CHL1: variants seen among roughly 807,000 people sequenced by gnomAD.
CHL1 encodes neural cell adhesion molecule L1-like protein.
Under a neutral mutation model 141.9 loss-of-function variants are expected in CHL1, and 96 were observed. The observed-to-expected ratio is 0.68, with a 90% CI of 0.57 to 0.80. The LOEUF is 0.80. Among genes scored for constraint, CHL1 ranks in the 30% least tolerant of loss-of-function variants. CHL1 has a pLI of 0.00. For synonymous variants in CHL1, 613 were observed against 502.2 expected, an observed-to-expected ratio of 1.22 and a Z score of -2.95; for missense variants, 1,820 against 1,457.2, an observed-to-expected ratio of 1.25 and a Z score of -4.05.
chr3:281,138 C>G (rs1300191535), intron 2 of CHL1, among the ~76,000 whole-genome samples: 1 of 152,154 alleles, frequency 6.6e-6, no homozygotes, highest in Non-Finnish European at 1.5e-5. Flanking sequence ...CAACACCCAG[C>G]ATATCTCCTC....
At chr3:221,075 A>G (rs35942155) in intron 1 of CHL1, among the ~76,000 whole-genome samples, 12,095 of 152,218 alleles carry the variant, frequency 0.079, 607 homozygotes, top group African/African-American at 0.14. Context: ...GAATCCACCT[A>G]TGACCTGAAA....
At chr3:273,930 G>A (rs533607343) in intron 2 of CHL1, among the ~76,000 whole-genome samples, 2 of 152,138 alleles carry the variant, frequency 1.3e-5, no homozygotes, top group African/African-American at 2.4e-5. Context: ...TGCCTAAAAT[G>A]TGTTGATGAT....
intron 2 of CHL1, among the ~76,000 whole-genome samples, chr3:288,544 C>G (rs374132323): frequency 6.1e-4 from 93 of 152,206 alleles, no homozygotes; most frequent in African/African-American, 2.1e-3. Context: ...GTTGCATTGC[C>G]ACAGATCCTA....
At chr3:278,663 A>G (rs1696368914) in intron 2 of CHL1, among the ~76,000 whole-genome samples, 1 of 152,162 alleles carries the variant, frequency 6.6e-6, no homozygotes, top group African/African-American at 2.4e-5. Flanking sequence ...TGTATTTGGA[A>G]ACAATTTACT....
intron 5 of CHL1, 105 bp downstream of exon 5, chr3:328,459 C>T (rs1375285883): frequency 5.6e-6 from 5 of 899,180 alleles, no homozygotes; most frequent in Middle Eastern, 2.6e-4. Context: ...ACTAAATCAA[C>T]TTATATGTGT....
At chr3:335,889 G>A (rs1259855506) in intron 5 of CHL1, among the ~76,000 whole-genome samples, 3 of 152,146 alleles carry the variant, frequency 2.0e-5, no homozygotes, top group Admixed American at 6.5e-5. Flanking sequence ...GTCTCTGTGC[G>A]TTTGGCTGTA....
chr3:267,499 T>G (rs1695258040), intron 2 of CHL1, among the ~76,000 whole-genome samples: 1 of 151,990 alleles, frequency 6.6e-6, no homozygotes, highest in Admixed American at 6.5e-5. Context: ...TTCTAGTAGC[T>G]GTTCTCTTAA....
chr3:364,992 A>G (rs1704689617), intron 14 of CHL1, among the ~76,000 whole-genome samples: 1 of 152,246 alleles, frequency 6.6e-6, no homozygotes, highest in South Asian at 2.1e-4. Context: ...GATGTCAAAT[A>G]ATTCACTTAA....
rs115668491 is a variant in CHL1 at position 284,455 on chromosome 3, C to T, written c.-94-35228C>T. Among the ~76,000 whole-genome samples, 1,393 of 152,286 alleles carry T rather than the reference C, an allele frequency of 9.1e-3. 27 individuals carry two copies. Among genetic ancestry groups the T allele is most frequent in the African/African-American group, 0.032 (1,326 of 41,568 alleles). Reference sequence around the variant, plus strand: ...CACCAGATTGTTTGTGTGGAAGCCACTGGGAACTGTTCCAAACCGTGTGAG... The same window carrying T: ...CACCAGATTGTTTGTGTGGAAGCCATTGGGAACTGTTCCAAACCGTGTGAG... On this transcript the variant is annotated intron_variant, in intron 2 of 27. Transcript: ENST00000256509.
At chr3:337,357 A>AT (rs35877726) in intron 5 of CHL1, among the ~76,000 whole-genome samples, 1 of 41,606 alleles carries the variant, frequency 2.4e-5, no homozygotes, top group Non-Finnish European at 4.9e-5. Flanking sequence ...CGCCCGGCTA[A>AT]TTTTTTTATA....
intron 1 of CHL1, among the ~76,000 whole-genome samples, chr3:228,502 C>G (rs533880867): frequency 2.0e-5 from 3 of 147,678 alleles, no homozygotes; most frequent in South Asian, 2.1e-4. Context: ...CACACACACA[C>G]AGCAGGGGAA....
intron 1 of CHL1, among the ~76,000 whole-genome samples, chr3:230,966 A>G (rs1310675499): frequency 2.0e-5 from 3 of 152,180 alleles, no homozygotes; most frequent in Non-Finnish European, 4.4e-5. Flanking sequence ...AAGAATCCTT[A>G]GCTTTCCCCA....
intron 2 of CHL1, among the ~76,000 whole-genome samples, chr3:290,602 T>A (rs927482291): frequency 2.6e-5 from 4 of 152,270 alleles, no homozygotes; most frequent in African/African-American, 9.6e-5. Context: ...TGAAACTATG[T>A]CTTCATCACT....
At chr3:337,807 A>C (rs183331789) in intron 5 of CHL1, among the ~76,000 whole-genome samples, 3 of 152,224 alleles carry the variant, frequency 2.0e-5, no homozygotes, top group Admixed American at 1.3e-4. Flanking sequence ...GGTCTTTACT[A>C]TTGTGAATAG....
At chr3:396,086 G>T (rs1427397603) in intron 24 of CHL1, among the ~76,000 whole-genome samples, 3 of 152,080 alleles carry the variant, frequency 2.0e-5, no homozygotes, top group African/African-American at 7.2e-5. Context: ...CCCTTTATGT[G>T]GGAAAATTGT....
At chr3:316,036 G>A (rs77051213) in intron 2 of CHL1, among the ~76,000 whole-genome samples, 14,930 of 151,880 alleles carry the variant, frequency 0.098, 1,033 homozygotes, top group East Asian at 0.33. Flanking sequence ...CAGGTGTGAC[G>A]TTTACATAGT....
intron 2 of CHL1, among the ~76,000 whole-genome samples, chr3:260,698 T>A (rs1694639334): frequency 6.6e-6 from 1 of 152,210 alleles, no homozygotes. Flanking sequence ...TTCAAAATGC[T>A]AATCTTTGAA....
At chr3:268,537 AAAAAT>A (rs1695359277) in intron 2 of CHL1, among the ~76,000 whole-genome samples, 1 of 152,034 alleles carries the variant, frequency 6.6e-6, no homozygotes, top group Non-Finnish European at 1.5e-5. Flanking sequence ...CCCATCTAAA[AAAAAT>A]AAAATAAAGT....
At chr3:242,363 G>A (rs55861970) in intron 1 of CHL1, among the ~76,000 whole-genome samples, 115,163 of 143,254 alleles carry the variant, frequency 0.8, 47,072 homozygotes, top group East Asian at 0.94. Flanking sequence ...TTGGGAGGCT[G>A]AGGGGGGCAG....
Sources: gnomAD v4.1 joint callset for allele counts (sites outside exome capture counted in the v4.1 genomes callset) on GRCh38, gnomAD v4.1.1 for gene constraint, MANE v1.5 for transcripts, NCBI Gene and HGNC (gene_info 2026-07-23, HGNC 2026-07-21) for gene names.